LMO7: variants seen among roughly 807,000 people sequenced by gnomAD.
LMO7 encodes the protein LIM domain 7, also known as LIM domain only protein 7.
In LMO7, 120 loss-of-function variants were observed where a neutral mutation model predicts 206.5. The ratio of observed to expected loss-of-function variants is 0.58; its 90% CI spans 0.50 to 0.68. The LOEUF is 0.68. Ranked by LOEUF, LMO7 falls within the 30% of genes least tolerant of loss-of-function variation. The probability of loss-of-function intolerance (pLI) is 0.00; values close to 1 mark genes in which losing one functional copy is unlikely to be tolerated. For synonymous variants in LMO7, 706 were observed against 681.5 expected, an observed-to-expected ratio of 1.04 and a Z score of -0.56; for missense variants, 1,959 against 1,957.9, an observed-to-expected ratio of 1.00 and a Z score of -0.01.
intron 2 of LMO7, among the ~76,000 whole-genome samples, chr13:75,629,249 T>A (rs2034605733): frequency 6.6e-6 from 1 of 152,228 alleles, no homozygotes; most frequent in Non-Finnish European, 1.5e-5. Flanking sequence ...ATCAATGCTT[T>A]ATTAATTCTG....
intron 12 of LMO7, among the ~76,000 whole-genome samples, chr13:75,818,876 G>A (rs888807402): frequency 6.6e-5 from 10 of 152,152 alleles, no homozygotes; most frequent in African/African-American, 1.7e-4. Context: ...GTTTCTTGAG[G>A]GGAACAGTGC....
intron 1 of LMO7, among the ~76,000 whole-genome samples, chr13:75,675,950 A>C (rs1316235233): frequency 6.6e-6 from 1 of 152,208 alleles, no homozygotes; most frequent in Non-Finnish European, 1.5e-5. Context: ...GATGAAGCAA[A>C]GTCATAATTA....
Position 75,841,145 on chromosome 13 carries a change from G to C in LMO7, c.3619G>C (p.Glu1207Gln). The change falls in exon 23 of 31, where the codon GAG becomes CAG. Residue 1207 changes from glutamate (E) to glutamine (Q), a missense_variant. By Grantham distance (29) the Glu-to-Gln change is conservative. Coordinates refer to ENST00000377534, the MANE Select transcript of LMO7 (RefSeq NM_001306080.2). ...ACGTGAGCAGGAGAAACTGAGGGAA[G>C]AGTGGCAAAGGGCCAAACAGGAGGC... ...YQREQEKLRE[E>Q]WQRAKQEAER... is the part of the protein sequence containing the mutation. 3.1e-6 allele frequency: 5 copies of C among 1,613,482 alleles called. No homozygotes were observed. The highest frequency in any genetic ancestry group is 4.2e-6 in the Non-Finnish European group (5 of 1,179,474).
At position 75,821,123 on chromosome 13, in the gene LMO7, C is replaced by G; in HGVS notation, c.2208-54C>G. 9.3e-6 allele frequency: 13 copies of G among 1,403,598 alleles called. No homozygotes were observed. The South Asian group carries it at 1.7e-4, about 18-fold the overall frequency. 86.9% of individuals were successfully genotyped at this position (1,403,598 alleles called of 1,614,324 possible). On this transcript the variant is annotated intron_variant, in intron 13 of 30. Coordinates refer to ENST00000377534, the MANE Select transcript of LMO7 (RefSeq NM_001306080.2). ...CATGCGTTGATTACTCTCTCACCAC[C>G]TCTGTGTGTCAAATGTGTGTCTTTG...
intron 16 of LMO7, 76 bp downstream of exon 16, chr13:75,833,241 A>G: frequency 2.3e-6 from 2 of 874,870 alleles, no homozygotes; most frequent in Non-Finnish European, 3.9e-6. Context: ...GACCACAGAA[A>G]TTAGTGTATT....
intron 1 of LMO7, among the ~76,000 whole-genome samples, chr13:75,673,213 CT>C (rs977925087): frequency 1.4e-4 from 21 of 152,068 alleles, no homozygotes; most frequent in African/African-American, 4.3e-4. Context: ...GTGAATTCAC[CT>C]TTTTTTTCAT....
At position 75,731,288 on chromosome 13, in the gene LMO7, A is replaced by G. The variant is rs147142147; in HGVS notation, c.210+4190A>G. Reference sequence around the variant, plus strand: ...TAAGTCTCTTTGTTGGTCACTCAGGACTTGCTTTATGAGTCTGGGTGCTCC... The same window carrying G: ...TAAGTCTCTTTGTTGGTCACTCAGGGCTTGCTTTATGAGTCTGGGTGCTCC... On this transcript the variant is annotated intron_variant, in intron 3 of 30. Transcript: ENST00000377534. Among the ~76,000 whole-genome samples the G allele has an allele frequency of 2.7e-3, 409 of 152,186 alleles. 3 individuals are homozygous for G. Among genetic ancestry groups the G allele is most frequent in the African/African-American group, 9.7e-3 (401 of 41,512 alleles).
intron 3 of LMO7, among the ~76,000 whole-genome samples, chr13:75,737,714 C>G (rs1192417878): frequency 8.4e-6 from 1 of 119,502 alleles, no homozygotes; most frequent in Admixed American, 1.0e-4. Context: ...GATCGCGCCA[C>G]TGCACTCCAG....
intron 1 of LMO7, among the ~76,000 whole-genome samples, chr13:75,672,061 C>A (rs2039630342): frequency 6.6e-6 from 1 of 152,056 alleles, no homozygotes; most frequent in South Asian, 2.1e-4. Context: ...GGATTGGCAT[C>A]AGGACTCCCT....
At chr13:75,787,152 A>T (rs1427341861) in intron 4 of LMO7, among the ~76,000 whole-genome samples, 1 of 152,260 alleles carries the variant, frequency 6.6e-6, no homozygotes, top group Non-Finnish European at 1.5e-5. Flanking sequence ...TAAACAGATC[A>T]TACATAGTGG....
chr13:75,775,615 AAAC>A (rs1396639697), intron 4 of LMO7, among the ~76,000 whole-genome samples: 1 of 152,092 alleles, frequency 6.6e-6, no homozygotes, highest in African/African-American at 2.4e-5. Context: ...CAACAAGAAA[AAAC>A]AACCTTGTCA....
chr13:75,838,513 A>G, intron 20 of LMO7: 1 of 373,018 alleles, frequency 2.7e-6, no homozygotes, highest in South Asian at 3.2e-5. Context: ...TCCACTGGGT[A>G]ACAGTAAGAA....
Position 75,819,624 on chromosome 13 carries a change from G to GGTGTC in LMO7, c.2207+90_2207+94dup. Reference sequence around the variant, plus strand: ...TTTTATGTAAGTGTAGTGTGACATAGGTGTCCACCAATATTCAACTTTAGT... The same window carrying GGTGTC: ...TTTTATGTAAGTGTAGTGTGACATAGGTGTCGTGTCCACCAATATTCAACTTTAGT... On this transcript the variant is annotated intron_variant, in intron 13 of 30. Transcript: ENST00000377534. 10 of 1,243,218 alleles carry GGTGTC rather than the reference G, an allele frequency of 8.0e-6. 1 individual carries two copies. The South Asian group carries it at 2.5e-4, about 31-fold the overall frequency. 77.0% of individuals were successfully genotyped at this position (1,243,218 alleles called of 1,614,324 possible). A position where few individuals can be genotyped will look rare whatever the true frequency, so the allele number is the denominator to read the frequency against.
At chr13:75,713,145 G>A in intron 1 of LMO7, 37 bp from the exon 2 acceptor site, 1 of 1,520,306 alleles carries the variant, frequency 6.6e-7, no homozygotes, top group Non-Finnish European at 9.1e-7. Context: ...TGCTATCCCT[G>A]CTTAAGAGAA....
chr13:75,653,321 C>G (rs1189065111), intron 1 of LMO7, among the ~76,000 whole-genome samples: 1 of 152,186 alleles, frequency 6.6e-6, no homozygotes, highest in East Asian at 1.9e-4. Flanking sequence ...AACCCAAACC[C>G]TAGATTCAGT....
Position 75,841,131 on chromosome 13 carries a change from A to C in LMO7, c.3605A>C (p.Glu1202Ala). ...TAGGAAAAATATCAACGTGAGCAGG[A>C]GAAACTGAGGGAAGAGTGGCAAAGG... is the stretch of plus-strand genomic sequence containing the variant. ...LLQEKYQREQEKLREEWQRAK... is the reference protein window; with the variant it reads ...LLQEKYQREQAKLREEWQRAK... Residue 1202 changes from glutamate to alanine, a missense_variant, in exon 23 of 31, where the codon GAG becomes GCG. Glu to Ala is a moderately radical substitution (Grantham distance 107, BLOSUM62 -1). Transcript: ENST00000377534. The C allele has an allele frequency of 6.2e-7, 1 of 1,612,500 alleles. No homozygotes were observed. The highest frequency in any genetic ancestry group is 8.5e-7 in the Non-Finnish European group (1 of 1,178,642).
At position 75,778,511 on chromosome 13, in the gene LMO7, C is replaced by T. The variant is rs561138409; in HGVS notation, c.318-16890C>T. On this transcript the variant is annotated intron_variant, in intron 4 of 30. Transcript: ENST00000377534. ...CCTCCCAAAATGCTGGGATTACAGGCGTGAGCCACTGCGCCCGGCCAATCG... is the reference window on the plus strand; with the variant it reads ...CCTCCCAAAATGCTGGGATTACAGGTGTGAGCCACTGCGCCCGGCCAATCG... Among the ~76,000 whole-genome samples, 4 of 152,312 alleles carry T rather than the reference C, an allele frequency of 2.6e-5. No homozygotes were observed. In the South Asian group the frequency reaches 6.2e-4, roughly 24 times the overall value.
In LMO7 at chr13:75,835,104, C is replaced by T. The variant is rs753766527; in HGVS notation, c.3227-129C>T. On this transcript the variant is annotated intron_variant, in intron 17 of 30. Coordinates refer to ENST00000377534, the MANE Select transcript of LMO7 (RefSeq NM_001306080.2). Reference sequence around the variant, plus strand: ...TGTGCATTCAATGACTTTATTCTTTCCACTTCAACATCTATGTGTACTCAT... The same window carrying T: ...TGTGCATTCAATGACTTTATTCTTTTCACTTCAACATCTATGTGTACTCAT... The T allele has an allele frequency of 9.2e-6, 11 of 1,195,464 alleles. No homozygotes were observed. In the South Asian group the frequency reaches 1.2e-4, roughly 14 times the overall value. The allele number at this position is 1,195,464 out of a possible 1,614,324, so 74.1% of individuals were successfully genotyped here. A position where few individuals can be genotyped will look rare whatever the true frequency, so the allele number is the denominator to read the frequency against.
At chr13:75,857,644 T>G (rs2061074187) in intron 30 of LMO7, 1 of 270,758 alleles carries the variant, frequency 3.7e-6, no homozygotes, top group East Asian at 6.4e-5. Flanking sequence ...CATTGTAAAA[T>G]TGCCCATGCC....
Sources: allele counts gnomAD v4.1 joint callset (sites outside exome capture counted in the v4.1 genomes callset), GRCh38; gene constraint gnomAD v4.1.1; transcripts MANE v1.5; gene names NCBI Gene and HGNC (gene_info 2026-07-23, HGNC 2026-07-21).